Variants in SPATA17 observed in about 807,000 individuals in gnomAD.
SPATA17 encodes spermatogenesis-associated protein 17.
Under a neutral mutation model 62.2 loss-of-function variants are expected in SPATA17, and 53 were observed. That is an observed-to-expected ratio of 0.85 (90% confidence interval 0.68 to 1.07). The LOEUF (loss-of-function observed/expected upper bound fraction) is 1.07, where lower values mean the gene tolerates loss of function less well. Among genes scored for constraint, SPATA17 ranks in the 50% least tolerant of loss-of-function variants. The pLI, the probability that SPATA17 is intolerant of heterozygous loss-of-function variation, is 0.00. For synonymous variants in SPATA17, 146 were observed against 146.8 expected (o/e 0.99, Z 0.04); for missense variants, 466 against 425.5 (o/e 1.10, Z -0.84).
chr1:217,785,862 T>C (rs1673846793), intron 8 of SPATA17, among the ~76,000 whole-genome samples: 1 of 151,976 alleles, frequency 6.6e-6, no homozygotes, highest in Admixed American at 6.6e-5. Flanking sequence ...ACATGGAAAA[T>C]AGATTACGGA....
chr1:217,790,719 C>T (rs972287923), intron 8 of SPATA17, among the ~76,000 whole-genome samples: 5 of 152,032 alleles, frequency 3.3e-5, no homozygotes, highest in East Asian at 3.9e-4. Flanking sequence ...TGAGCCACCG[C>T]GCCCGGCCAA....
intron 5 of SPATA17, among the ~76,000 whole-genome samples, chr1:217,698,605 CTA>C (rs1358392298): frequency 6.6e-6 from 1 of 150,396 alleles, no homozygotes; most frequent in Non-Finnish European, 1.5e-5. Context: ...CAAAGAAATT[CTA>C]TGTTAACTCA....
At chr1:217,863,877 A>C (rs1361589652) in intron 10 of SPATA17, among the ~76,000 whole-genome samples, 1 of 152,136 alleles carries the variant, frequency 6.6e-6, no homozygotes, top group Non-Finnish European at 1.5e-5. Context: ...GCTAGTTAGA[A>C]TCCCCCAGCT....
rs149899807 is a variant in SPATA17 at position 217,846,091 on chromosome 1, G to A, written c.1006-16683G>A. ...ACTAACAGTTTTGAAAATTTGGATA[G>A]GCCCTACCCATATAGTTGGAGACCA... On this transcript the variant is annotated intron_variant, in intron 9 of 10. Coordinates refer to ENST00000366933, the MANE Select transcript of SPATA17 (RefSeq NM_138796.4). Among the ~76,000 whole-genome samples the A allele has an allele frequency of 8.9e-3, 1,353 of 152,080 alleles. 11 individuals carry two copies. The highest frequency in any genetic ancestry group is 0.024 in the Middle Eastern group (7 of 294).
chr1:217,757,117 A>G (rs933748242), intron 6 of SPATA17, among the ~76,000 whole-genome samples: 3 of 152,174 alleles, frequency 2.0e-5, no homozygotes, highest in Non-Finnish European at 2.9e-5. Flanking sequence ...GTGAGACATG[A>G]TATTTGCCAA....
intron 5 of SPATA17, among the ~76,000 whole-genome samples, chr1:217,712,882 T>C (rs188840234): frequency 1.3e-5 from 2 of 152,166 alleles, no homozygotes; most frequent in Non-Finnish European, 2.9e-5. Context: ...GTTGAAGTAC[T>C]AAGGGCAAGA....
intron 5 of SPATA17, chr1:217,739,629 G>A (rs1182089919): frequency 2.0e-5 from 3 of 151,948 alleles, no homozygotes; most frequent in Non-Finnish European, 4.4e-5. Context: ...AGTTAGAATG[G>A]TTTCCATCCT....
chr1:217,791,849 A>G (rs937406124), intron 8 of SPATA17, among the ~76,000 whole-genome samples: 7 of 152,130 alleles, frequency 4.6e-5, no homozygotes, highest in African/African-American at 1.7e-4. Context: ...GTCAGAGGCC[A>G]GAGTCACTGG....
At chr1:217,675,490 A>G (rs1398874282) in intron 4 of SPATA17, among the ~76,000 whole-genome samples, 1 of 152,166 alleles carries the variant, frequency 6.6e-6, no homozygotes, top group East Asian at 1.9e-4. Context: ...GTATCCTACG[A>G]AGAGTTCAAT....
At chr1:217,859,248 G>T (rs1420071210) in intron 9 of SPATA17, among the ~76,000 whole-genome samples, 1 of 144,850 alleles carries the variant, frequency 6.9e-6, no homozygotes, top group Non-Finnish European at 1.5e-5. Context: ...TATATATTAT[G>T]TATATAAATA....
At chr1:217,749,943 TTCTCTCTCTC>T (rs1188300100) in intron 6 of SPATA17, among the ~76,000 whole-genome samples, 32 of 41,464 alleles carry the variant, frequency 7.7e-4, no homozygotes, top group East Asian at 1.1e-3. Context: ...TGTCATAAGA[TTCTCTCTCTC>T]TCTCTCTCTC....
intron 5 of SPATA17, among the ~76,000 whole-genome samples, chr1:217,703,155 G>A (rs1038269687): frequency 4.1e-5 from 6 of 144,840 alleles, no homozygotes; most frequent in Non-Finnish European, 6.0e-5. Context: ...GATTACAGGC[G>A]TGAGCCATTG....
chr1:217,648,191 A>T (rs1170610258), intron 1 of SPATA17, among the ~76,000 whole-genome samples: 1 of 152,164 alleles, frequency 6.6e-6, no homozygotes, highest in Non-Finnish European at 1.5e-5. Flanking sequence ...TCCGTTCATT[A>T]TCAGGTAATG....
intron 4 of SPATA17, among the ~76,000 whole-genome samples, chr1:217,673,795 A>T (rs1670884947): frequency 6.6e-6 from 1 of 152,298 alleles, no homozygotes; most frequent in South Asian, 2.1e-4. Context: ...AGAATTACTT[A>T]TGTGGGGAAA....
intron 9 of SPATA17, among the ~76,000 whole-genome samples, chr1:217,812,958 G>T (rs373862184): frequency 6.6e-6 from 1 of 152,080 alleles, no homozygotes; most frequent in African/African-American, 2.4e-5. Flanking sequence ...TTCCTCATAC[G>T]TCTTATTACA....
rs149296180 is a variant in SPATA17 at position 217,722,055 on chromosome 1, C to A, written c.396-19920C>A. Among the ~76,000 whole-genome samples the A allele has an allele frequency of 7.6e-4, 116 of 152,286 alleles. 1 individual carries two copies. The highest frequency in any genetic ancestry group is 2.7e-3 in the African/African-American group (112 of 41,554). On this transcript the variant is annotated intron_variant, in intron 5 of 10. Transcript: ENST00000366933. ...ACCCTTTTTACTTTTTCCAGCTCCT[C>A]TTCCATCCCTTCTATTTCTCATTCC...
intron 6 of SPATA17, among the ~76,000 whole-genome samples, chr1:217,748,662 T>G (rs1431972630): frequency 6.7e-6 from 1 of 149,962 alleles, no homozygotes; most frequent in Admixed American, 6.7e-5. Flanking sequence ...GAGAATCGCT[T>G]GAACCTGGGA....
At chr1:217,788,893 G>C (rs1019020059) in intron 8 of SPATA17, among the ~76,000 whole-genome samples, 1 of 152,144 alleles carries the variant, frequency 6.6e-6, no homozygotes, top group Non-Finnish European at 1.5e-5. Context: ...CTTCCTAAAG[G>C]TTTTCAAATC....
intron 9 of SPATA17, among the ~76,000 whole-genome samples, chr1:217,806,922 T>A (rs1240850803): frequency 2.0e-5 from 3 of 152,118 alleles, no homozygotes; most frequent in African/African-American, 7.2e-5. Flanking sequence ...ACATACAAGT[T>A]ATATATGCAG....
Sources: gnomAD v4.1 joint callset for allele counts (sites outside exome capture counted in the v4.1 genomes callset) on GRCh38, gnomAD v4.1.1 for gene constraint, MANE v1.5 for transcripts, NCBI Gene and HGNC (gene_info 2026-07-23, HGNC 2026-07-21) for gene names.